Variants in MPDZ observed in about 807,000 individuals in gnomAD.
MPDZ encodes multiple PDZ domain protein.
A neutral mutation model predicts 239.1 loss-of-function variants in MPDZ; 234 were observed. The ratio of observed to expected loss-of-function variants is 0.98; its 90% CI spans 0.88 to 1.09. The LOEUF is 1.09. Ranked by LOEUF, MPDZ falls within the 50% of genes least tolerant of loss-of-function variation. MPDZ has a pLI of 0.00. For synonymous variants in MPDZ, 1,048 were observed against 881.3 expected (o/e 1.19, Z -3.35); for missense variants, 3,175 against 2,510.0 (o/e 1.26, Z -5.66).
intron 1 of MPDZ, among the ~76,000 whole-genome samples, chr9:13,260,052 G>A (rs1970323224): frequency 1.3e-5 from 2 of 151,658 alleles, no homozygotes. Flanking sequence ...ATGTTGGTCA[G>A]GCTGGTCTTG....
Position 13,176,241 on chromosome 9 carries a change from T to G in MPDZ, c.2826A>C (p.Gln942His). ...NDYTPANAIE[Q>H]QYECENTIVW... ...CTATTGTGTTTTCACATTCATATTG[T>G]TGTTCAATAGCATTTGCAGGTGTGT... is the stretch of plus-strand genomic sequence containing the variant. Residue 942 changes from glutamine (Q) to histidine (H), a missense_variant, in exon 20 of 47, where the codon CAA becomes CAC. Transcript: ENST00000319217. The G allele has an allele frequency of 1.2e-6, 2 of 1,606,982 alleles. No individual in the cohort carries two copies. The highest frequency in any genetic ancestry group is 1.7e-6 in the Non-Finnish European group (2 of 1,176,142).
chr9:13,163,809 G>A (rs1950739823), intron 22 of MPDZ, among the ~76,000 whole-genome samples: 1 of 151,866 alleles, frequency 6.6e-6, no homozygotes, highest in Non-Finnish European at 1.5e-5. Context: ...CTTTTATGTT[G>A]TAATAAAATA....
intron 3 of MPDZ, among the ~76,000 whole-genome samples, chr9:13,228,624 T>C (rs991262144): frequency 6.6e-6 from 1 of 152,172 alleles, no homozygotes; most frequent in African/African-American, 2.4e-5. Context: ...TACTTTTTAC[T>C]ATGCCAACAT....
At chr9:13,277,843 G>A (rs1038615603) in intron 1 of MPDZ, among the ~76,000 whole-genome samples, 1 of 152,186 alleles carries the variant, frequency 6.6e-6, no homozygotes, top group Non-Finnish European at 1.5e-5. Context: ...GGGATTACAA[G>A]CGTGAGCCAT....
intron 19 of MPDZ, among the ~76,000 whole-genome samples, chr9:13,177,014 G>A (rs1952589596): frequency 1.3e-5 from 2 of 152,116 alleles, no homozygotes; most frequent in South Asian, 4.1e-4. Context: ...AAGACGGGTT[G>A]TCATAAAATG....
At chr9:13,122,266 C>G in intron 36 of MPDZ, 96 bp from the exon 37 acceptor site, 2 of 1,071,746 alleles carry the variant, frequency 1.9e-6, no homozygotes, top group Non-Finnish European at 2.8e-6. Flanking sequence ...TGATAGACAG[C>G]AATAAGGGTT....
intron 32 of MPDZ, among the ~76,000 whole-genome samples, chr9:13,127,450 T>G (rs980409080): frequency 6.6e-6 from 1 of 152,232 alleles, no homozygotes; most frequent in Non-Finnish European, 1.5e-5. Flanking sequence ...CTTTTAGCTT[T>G]CTTTAATGTT....
intron 1 of MPDZ, among the ~76,000 whole-genome samples, chr9:13,256,136 T>C (rs951961064): frequency 2.0e-5 from 3 of 152,228 alleles, no homozygotes; most frequent in Admixed American, 2.0e-4. Flanking sequence ...TTAAACCTCA[T>C]GAACCAACCT....
chr9:13,198,737 C>CTCTGTGTGTGTGTGTGTGTGTGTGTGTG lies in MPDZ; in HGVS notation c.1547-2508_1547-2507insCACACACACACACACACACACACACAGA, dbSNP rs755487892. ...ATATTTAGGTCTTTAATCTCTCTCT[C>CTCTGTGTGTGTGTGTGTGTGTGTGTGTG]TGTGTGTGTGTGTGTGTGTGTGTGT... On this transcript the variant is annotated intron_variant, in intron 12 of 46. Coordinates refer to ENST00000319217, the MANE Select transcript of MPDZ (RefSeq NM_001378778.1). 1.2e-3 allele frequency among the ~76,000 whole-genome samples: 84 copies of CTCTGTGTGTGTGTGTGTGTGTGTGTGTG among 69,762 alleles called. 1 individual carries two copies. The highest frequency in any genetic ancestry group is 1.7e-3 in the Non-Finnish European group (58 of 34,478). 45.8% of individuals were successfully genotyped at this position (69,762 alleles called of 152,430 possible).
At chr9:13,147,787 G>C in intron 25 of MPDZ, 129 bp from the exon 26 acceptor site, 2 of 644,680 alleles carry the variant, frequency 3.1e-6, no homozygotes, top group Non-Finnish European at 5.4e-6. Flanking sequence ...AAATAATTGA[G>C]ACTACATGTG....
intron 39 of MPDZ, among the ~76,000 whole-genome samples, chr9:13,116,201 G>GT (rs765306470): frequency 1.3e-5 from 2 of 152,144 alleles, no homozygotes; most frequent in Non-Finnish European, 2.9e-5. Flanking sequence ...ATGCCGCACA[G>GT]TCTAATATGA....
chr9:13,123,713 G>T (rs1944708842), intron 35 of MPDZ, among the ~76,000 whole-genome samples: 1 of 152,044 alleles, frequency 6.6e-6, no homozygotes, highest in Admixed American at 6.5e-5. Context: ...TGAGATATGT[G>T]GCAAAGACCT....
chr9:13,128,364 C>T (rs1945425424), intron 32 of MPDZ, among the ~76,000 whole-genome samples: 1 of 152,204 alleles, frequency 6.6e-6, no homozygotes, highest in Non-Finnish European at 1.5e-5. Context: ...TAAGAAAATT[C>T]AAGCAGCCCC....
chr9:13,199,039 C>T (rs1956063385), intron 12 of MPDZ, among the ~76,000 whole-genome samples: 2 of 151,432 alleles, frequency 1.3e-5, no homozygotes, highest in African/African-American at 4.8e-5. Flanking sequence ...TTCTCTACTT[C>T]TGTGAAGAAT....
rs1376310121 is a variant in MPDZ, at chr9:13,186,345, G to C, written c.2406C>G (p.Ser802=). ...CACAGGAGTGTGGTGGGTAGAGAAA[G>C]GAATCCTCCTTAGCAGAAACATAAC... ...EEGYVSAKED[S]FLYPPHSCEE... is the part of the protein sequence containing the mutation. Residue 802 remains serine, a synonymous_variant, in exon 18 of 47, where the codon TCC becomes TCG. Coordinates refer to ENST00000319217, the MANE Select transcript of MPDZ (RefSeq NM_001378778.1). 6.3e-7 allele frequency: 1 copy of C among 1,591,750 alleles called. No homozygotes were observed. The highest frequency in any genetic ancestry group is 1.1e-5 in the South Asian group (1 of 87,186).
chr9:13,139,950 C>A (rs781350700), intron 28 of MPDZ, 37 bp downstream of exon 28: 12 of 1,612,214 alleles, frequency 7.4e-6, no homozygotes, highest in Middle Eastern at 1.7e-4. Context: ...ATTTTAATAC[C>A]TCTTACAATT....
intron 1 of MPDZ, among the ~76,000 whole-genome samples, chr9:13,261,218 T>G (rs184873780): frequency 6.6e-6 from 1 of 152,252 alleles, no homozygotes. Flanking sequence ...AGTCAGTTGA[T>G]AGAGACAGAA....
chr9:13,143,640 T>A, intron 26 of MPDZ, 76 bp from the exon 27 acceptor site: 1 of 1,148,276 alleles, frequency 8.7e-7, no homozygotes, highest in Non-Finnish European at 1.3e-6. Flanking sequence ...GCAAAGTACA[T>A]ACCGATTTAA....
intron 22 of MPDZ, 94 bp downstream of exon 22, chr9:13,168,272 T>C: frequency 1.8e-6 from 2 of 1,116,014 alleles, no homozygotes. Flanking sequence ...TGATAACGTT[T>C]GCATCTCAAA....
Sources: gnomAD v4.1 joint callset for allele counts (sites outside exome capture counted in the v4.1 genomes callset) on GRCh38, gnomAD v4.1.1 for gene constraint, MANE v1.5 for transcripts, NCBI Gene and HGNC (gene_info 2026-07-23, HGNC 2026-07-21) for gene names.